FCHO1: variants seen among roughly 807,000 people sequenced by gnomAD.
FCHO1 encodes the protein F-BAR domain only protein 1.
FCHO1 carries 45 observed loss-of-function variants against 114.4 expected under a neutral mutation model. The ratio of observed to expected loss-of-function variants is 0.39; its 90% CI spans 0.31 to 0.50. The LOEUF is 0.50. Ranked by LOEUF, FCHO1 falls within the 20% of genes least tolerant of loss-of-function variation. The probability of loss-of-function intolerance (pLI) is 0.77; values close to 1 mark genes in which losing one functional copy is unlikely to be tolerated. For synonymous variants in FCHO1, 480 were observed against 488.9 expected, an observed-to-expected ratio of 0.98 and a Z score of 0.24; for missense variants, 1,042 against 1,209.6, an observed-to-expected ratio of 0.86 and a Z score of 2.06.
At position 17,775,036 on chromosome 19, in the gene FCHO1, A is replaced by G; in HGVS notation, c.921-20A>G. ...ATGGGCTGCGGAAGCTGACACCAAC[A>G]TCTCTTCCTCCATCCCCAGAGATTT... On this transcript the variant is annotated intron_variant, in intron 13 of 28. Transcript: ENST00000596536. The surrounding 1 kb of genome is among the most constrained non-coding windows in gnomAD (Gnocchi z 5.1). The G allele has an allele frequency of 1.9e-6, 3 of 1,613,366 alleles. No homozygotes were observed. The highest frequency in any genetic ancestry group is 2.5e-6 in the Non-Finnish European group (3 of 1,179,748).
chr19:17,750,077 C>T (rs2081527640), upstream of FCHO1, among the ~76,000 whole-genome samples: 2 of 152,188 alleles, frequency 1.3e-5, no homozygotes, highest in Admixed American at 6.5e-5. Flanking sequence ...GATGTGGTTC[C>T]TGCTTTGTTT....
intron 4 of FCHO1, chr19:17,755,562 G>C (rs967508860): frequency 5.2e-6 from 1 of 191,212 alleles, no homozygotes; most frequent in Non-Finnish European, 1.1e-5. Flanking sequence ...CCATCCTGGA[G>C]AATTGGGGGG....
rs2082866014 is a variant in FCHO1, at chr19:17,754,596, T to C, written c.-133T>C. 1 of 155,838 alleles carries C rather than the reference T, an allele frequency of 6.4e-6. No individual in the cohort carries two copies. The highest frequency in any genetic ancestry group is 1.4e-5 in the Non-Finnish European group (1 of 70,054). The allele number at this position is 155,838 out of a possible 1,614,324, so 9.7% of individuals were successfully genotyped here. A position where few individuals can be genotyped will look rare whatever the true frequency, so the allele number is the denominator to read the frequency against. On this transcript the variant is annotated 5_prime_UTR_variant, in exon 3 of 29. Coordinates refer to ENST00000596536, the MANE Select transcript of FCHO1 (RefSeq NM_015122.3). ...CTTCAAACCCTTTTCCTGCAGGAGC[T>C]GCCTGGAGTGGAGCTGAGAGCTCAG...
Position 17,770,816 on chromosome 19 carries a change from G to T in FCHO1, c.514G>T (p.Ala172Ser). 1.2e-6 allele frequency: 2 copies of T among 1,614,162 alleles called. No individual in the cohort carries two copies. Among genetic ancestry groups the T allele is most frequent in the African/African-American group, 2.7e-5 (2 of 75,058 alleles). ...DKAETKTKKA[A>S]ESLRRSVEKY... ...GGCGGAGACTAAAACCAAGAAGGCG[G>T]CAGAGAGCCTGCGGCGCTCAGTGGA... Residue 172 changes from alanine to serine, a missense_variant, in exon 9 of 29, where the codon GCA becomes TCA. Physicochemically the swap from Ala to Ser is moderately conservative, Grantham distance 99. Around this residue, in one of 3 missense-constraint regions of FCHO1, gnomAD observed 450 missense variants for 564.1 expected, o/e 0.80. Coordinates refer to ENST00000596536, the MANE Select transcript of FCHO1 (RefSeq NM_015122.3).
Position 17,776,501 on chromosome 19 carries a change from T to A in FCHO1, c.1208-134T>A. 9.0e-7 allele frequency: 1 copy of A among 1,111,978 alleles called. No homozygotes were observed. Among genetic ancestry groups the A allele is most frequent in the Non-Finnish European group, 1.4e-6 (1 of 735,024 alleles). 68.9% of individuals were successfully genotyped at this position (1,111,978 alleles called of 1,614,324 possible). ...GGAGACAGGCTCGCTTAGGCTTGAA[T>A]CCATGTCTGCCTGATTTGCTGATCA... On this transcript the variant is annotated intron_variant, in intron 17 of 28. Transcript: ENST00000596536. This position sits in a 1 kb window ranked among gnomAD's most constrained non-coding sequence, Gnocchi z 4.4.
Position 17,772,727 on chromosome 19 carries a change from G to A in FCHO1, c.776G>A (p.Gly259Asp). The A allele has an allele frequency of 1.9e-6, 3 of 1,614,120 alleles. No homozygotes were observed. The East Asian group carries it at 6.7e-5, about 36-fold the overall frequency. Residue 259 changes from glycine to aspartate, a missense_variant, in exon 11 of 29, where the codon GGC (glycine) becomes GAC (aspartate). Around this residue, in one of 3 missense-constraint regions of FCHO1, gnomAD observed 450 missense variants for 564.1 expected, o/e 0.80. Transcript: ENST00000596536. ...LRKFAESKGT[G>D]REKPGPLDFE... ...AAGTTTGCAGAGAGTAAGGGCACAG[G>A]CCGGGAGAAGCCTGGTGAGTCAGGG...
At position 17,784,262 on chromosome 19, in the gene FCHO1, G is replaced by T. The variant is rs2093673913; in HGVS notation, c.2226+27G>T. On this transcript the variant is annotated intron_variant, in intron 25 of 28. Coordinates refer to ENST00000596536, the MANE Select transcript of FCHO1 (RefSeq NM_015122.3). The surrounding 1 kb of genome is among the most constrained non-coding windows in gnomAD (Gnocchi z 5.3). ...TGCGCCACCCGCATGGGGCCGGGAG[G>T]AGGTGGTGGAGTGGGGGACACGGTG... 1.3e-6 allele frequency: 2 copies of T among 1,572,940 alleles called. No individual in the cohort carries two copies. The highest frequency in any genetic ancestry group is 1.7e-6 in the Non-Finnish European group (2 of 1,159,392).
At chr19:17,754,857 C>T (rs2082922825) in intron 3 of FCHO1, 176 bp downstream of exon 3, 6 of 422,328 alleles carry the variant, frequency 1.4e-5, no homozygotes, top group Non-Finnish European at 2.6e-5. Flanking sequence ...TCTAGACTCC[C>T]TCAGCTCTTG....
chr19:17,760,723 C>T (rs2085779148), intron 4 of FCHO1, among the ~76,000 whole-genome samples: 1 of 152,134 alleles, frequency 6.6e-6, no homozygotes, highest in Admixed American at 6.6e-5. Context: ...GATTTTGGCT[C>T]ATTGTAACCT....
intron 26 of FCHO1, 83 bp from the exon 27 acceptor site, chr19:17,786,491 C>A: frequency 7.0e-7 from 1 of 1,431,872 alleles, no homozygotes; most frequent in South Asian, 1.2e-5. Flanking sequence ...TGGGGTCACA[C>A]AGCCAGGAGG....
At chr19:17,760,869 G>A (rs912199363) in intron 4 of FCHO1, among the ~76,000 whole-genome samples, 1 of 151,962 alleles carries the variant, frequency 6.6e-6, no homozygotes, top group African/African-American at 2.4e-5. Context: ...GGCTGGTCTC[G>A]AACTCAAGAC....
At chr19:17,785,017 G>A (rs73012868) in intron 26 of FCHO1, 93 bp downstream of exon 26, 66,637 of 1,299,008 alleles carry the variant, frequency 0.051, 2,228 homozygotes, top group East Asian at 0.14. Context: ...GTGCACCCTC[G>A]GCCTGACCGT....
At chr19:17,774,772 T>C in intron 13 of FCHO1, 1 of 582,946 alleles carries the variant, frequency 1.7e-6, no homozygotes, top group Non-Finnish European at 3.0e-6. Context: ...TTGTTCTGTT[T>C]GCCAAGGCTA....
chr19:17,758,084 G>A (rs1189381685), intron 4 of FCHO1, among the ~76,000 whole-genome samples: 1 of 151,892 alleles, frequency 6.6e-6, no homozygotes, highest in Non-Finnish European at 1.5e-5. Context: ...GTATGGTGGC[G>A]GGCACCTGTA....
chr19:17,757,956 C>T (rs1052732367), intron 4 of FCHO1, among the ~76,000 whole-genome samples: 1 of 150,176 alleles, frequency 6.7e-6, no homozygotes, highest in Non-Finnish European at 1.5e-5. Flanking sequence ...GTGGCTCACA[C>T]CTGTAATCCC....
At chr19:17,755,326 G>C in intron 4 of FCHO1, 135 bp downstream of exon 4, 1 of 817,024 alleles carries the variant, frequency 1.2e-6, no homozygotes. Context: ...GTTAAAGTGG[G>C]AAGAGTCAGG....
At chr19:17,771,126 G>C (rs1395534977) in intron 9 of FCHO1, among the ~76,000 whole-genome samples, 1 of 151,952 alleles carries the variant, frequency 6.6e-6, no homozygotes, top group Non-Finnish European at 1.5e-5. Context: ...AGTGGCAGGT[G>C]CCTGTAATCC....
At chr19:17,771,372 A>G (rs560796324) in intron 9 of FCHO1, among the ~76,000 whole-genome samples, 23 of 100,042 alleles carry the variant, frequency 2.3e-4, no homozygotes, top group South Asian at 1.9e-3. Flanking sequence ...AAAAAAAAAG[A>G]AAAGAAAAGA....
intron 20 of FCHO1, among the ~76,000 whole-genome samples, chr19:17,779,215 C>G (rs1212347183): frequency 6.6e-6 from 1 of 152,116 alleles, no homozygotes; most frequent in Non-Finnish European, 1.5e-5. Context: ...CTAGGCCTGT[C>G]TGAAGAACAG....
Sources: gnomAD v4.1 joint callset for allele counts (sites outside exome capture counted in the v4.1 genomes callset) on GRCh38, gnomAD v4.1.1 for gene constraint, gnomAD v4.1.1 regional missense constraint, Gnocchi (gnomAD v3.1) non-coding constraint, MANE v1.5 for transcripts, NCBI Gene and HGNC (gene_info 2026-07-23, HGNC 2026-07-21) for gene names.